ANKLE2: variants seen among roughly 807,000 people sequenced by gnomAD.
ANKLE2 encodes the protein ankyrin repeat and LEM domain-containing protein 2.
Under a neutral mutation model 84.2 loss-of-function variants are expected in ANKLE2, and 55 were observed. The observed-to-expected ratio is 0.65, with a 90% CI of 0.53 to 0.82. The LOEUF is 0.82. Ranked by LOEUF, ANKLE2 falls within the 40% of genes least tolerant of loss-of-function variation. The probability of loss-of-function intolerance (pLI) is 0.00; values close to 1 mark genes in which losing one functional copy is unlikely to be tolerated. For synonymous variants in ANKLE2, 551 were observed against 486.1 expected, an observed-to-expected ratio of 1.13 and a Z score of -1.76; for missense variants, 1,238 against 1,201.9, an observed-to-expected ratio of 1.03 and a Z score of -0.44.
In ANKLE2 at chr12:132,727,536, A is replaced by ACGCGCCCGGGCGGAGGAGAGGCAT. The variant is rs2043725413; in HGVS notation, c.2616-94_2616-93insATGCCTCTCCTCCGCCCGGGCGCG. The stretch of plus-strand genomic sequence containing the variant: ...GAATAATGGCCCCAGACTCAGGCAC[A>ACGCGCCCGGGCGGAGGAGAGGCAT]TGCGCCCGGGCGGAGGAGAGGCACT... On this transcript the variant is annotated intron_variant, in intron 12 of 12. Coordinates refer to ENST00000357997, the MANE Select transcript of ANKLE2 (RefSeq NM_015114.3). The ACGCGCCCGGGCGGAGGAGAGGCAT allele has an allele frequency of 8.2e-6, 12 of 1,456,146 alleles. No homozygotes were observed. In the South Asian group the frequency reaches 1.2e-4, roughly 15 times the overall value. 90.2% of individuals were successfully genotyped at this position (1,456,146 alleles called of 1,614,324 possible). A position where few individuals can be genotyped will look rare whatever the true frequency, so the allele number is the denominator to read the frequency against.
chr12:132,725,731 T>TTA lies in ANKLE2; in HGVS notation c.*1510_*1511insTA, dbSNP rs1437353329. 2 of 152,240 alleles carry TTA rather than the reference T, an allele frequency of 1.3e-5. No homozygotes were observed. Among genetic ancestry groups the TTA allele is most frequent in the African/African-American group, 4.8e-5 (2 of 41,470 alleles). The allele number at this position is 152,240 out of a possible 1,614,324, so 9.4% of individuals were successfully genotyped here. A position where few individuals can be genotyped will look rare whatever the true frequency, so the allele number is the denominator to read the frequency against. The stretch of plus-strand genomic sequence containing the variant: ...ACCATATACAGACAATATGGTAAGA[T>TTA]TTTAGAGAAAACAGATCATCACTAC... On this transcript the variant is annotated 3_prime_UTR_variant, in exon 13 of 13. Coordinates refer to ENST00000357997, the MANE Select transcript of ANKLE2 (RefSeq NM_015114.3).
chr12:132,737,119 G>T, intron 7 of ANKLE2, 54 bp from the exon 8 acceptor site: 1 of 1,526,402 alleles, frequency 6.6e-7, no homozygotes. Context: ...CGCAGGTCAG[G>T]CCTGGGTGAG....
Position 132,734,552 on chromosome 12 carries a change from T to C in ANKLE2, c.1724A>G (p.Tyr575Cys). 6.2e-7 allele frequency: 1 copy of C among 1,613,042 alleles called. No individual in the cohort carries two copies. Residue 575 changes from tyrosine to cysteine, a missense_variant, in exon 10 of 13, where the codon TAT becomes TGT. Physicochemically the swap from Tyr to Cys is radical, Grantham distance 194. Transcript: ENST00000357997. ...AAATTCCCAGTATTCAACCCAGGGA[T>C]ACCCCAGCTCATGAGCTAGCTCCCT... ...VGRELAHELGYPWVEYWEFLG... is the reference protein window; with the variant it reads ...VGRELAHELGCPWVEYWEFLG...
rs745865070 is a variant in ANKLE2 at position 132,754,821 on chromosome 12, G to T, written c.494C>A (p.Pro165His). Residue 165 changes from proline (P) to histidine (H), a missense_variant, in exon 2 of 13, where the codon CCT (proline) becomes CAT (histidine). This residue lies in a region of ANKLE2 where 422 missense variants were observed against 394.5 expected (regional missense o/e 1.07). Transcript: ENST00000357997. ...RDFGYSVGLNPPEEEAVTSKT... is the reference protein window; with the variant it reads ...RDFGYSVGLNHPEEEAVTSKT... ...GGATGTCACAGCTTCCTCCTCTGGA[G>T]GATTCAGGCCCACACTGTAACCAAA... The T allele has an allele frequency of 6.2e-7, 1 of 1,614,160 alleles. No individual in the cohort carries two copies. The highest frequency in any genetic ancestry group is 8.5e-7 in the Non-Finnish European group (1 of 1,180,042).
At chr12:132,759,923 C>T (rs1269999421) in intron 1 of ANKLE2, 1 of 152,130 alleles carries the variant, frequency 6.6e-6, no homozygotes. Flanking sequence ...CACCTGAGGT[C>T]AGGAATTCGA....
chr12:132,750,220 A>G (rs541043950), intron 3 of ANKLE2, among the ~76,000 whole-genome samples: 6 of 150,578 alleles, frequency 4.0e-5, no homozygotes, highest in South Asian at 2.1e-4. Flanking sequence ...AAAAAAAAAA[A>G]AAAAGAAAAA....
chr12:132,734,109 G>C (rs774846063), intron 10 of ANKLE2: 4 of 548,224 alleles, frequency 7.3e-6, no homozygotes. Flanking sequence ...GCCAGGCGTG[G>C]TGGCGGGCGC....
intron 5 of ANKLE2, among the ~76,000 whole-genome samples, chr12:132,746,344 GTCTCAAAAAAAAAAAAAAAA>G (rs1167047609): frequency 1.0e-5 from 1 of 97,798 alleles, no homozygotes; most frequent in Non-Finnish European, 2.1e-5. Context: ...GCAAGACTCT[GTCTCAAAAAAAAAAAAAAAA>G]AAAGAATCAG....
Position 132,730,239 on chromosome 12 carries a change from T to G in ANKLE2, c.1923A>C (p.Leu641=), listed in dbSNP as rs765577834. The change falls in exon 11 of 13, where the codon CTA becomes CTC. Residue 641 remains leucine (L), a synonymous_variant. Transcript: ENST00000357997. ...GSNSISVRAF[L]DEDDMSLEEI... Reference sequence around the variant, plus strand: ...CTTCCAAGCTCATGTCATCTTCATCTAGAAACGCCCTCACGGAAATGGAAT... The same window carrying G: ...CTTCCAAGCTCATGTCATCTTCATCGAGAAACGCCCTCACGGAAATGGAAT... 6.3e-7 allele frequency: 1 copy of G among 1,577,616 alleles called. No homozygotes were observed. Among genetic ancestry groups the G allele is most frequent in the Non-Finnish European group, 8.6e-7 (1 of 1,160,106 alleles).
chr12:132,754,097 CCAGGCGCGGTGG>C (rs1379474178), intron 2 of ANKLE2, among the ~76,000 whole-genome samples: 3 of 152,028 alleles, frequency 2.0e-5, no homozygotes, highest in Non-Finnish European at 4.4e-5. Flanking sequence ...AAAAAATTAG[CCAGGCGCGGTGG>C]CAGGCGCCTG....
rs114530139 is a variant in ANKLE2 at position 132,727,841 on chromosome 12, G to A, written c.2615+191C>T. ...CCCTCAGCTTGTCAGGAGCTGACCC[G>A]TTCAGCTTTTCCACCCAACCAGAGC... On this transcript the variant is annotated intron_variant, in intron 12 of 12. Coordinates refer to ENST00000357997, the MANE Select transcript of ANKLE2 (RefSeq NM_015114.3). Among the ~76,000 whole-genome samples, 310 of 152,262 alleles carry A rather than the reference G, an allele frequency of 2.0e-3. 2 individuals carry two copies. The highest frequency in any genetic ancestry group is 7.3e-3 in the African/African-American group (305 of 41,544).
At chr12:132,735,304 T>G (rs751355833) in intron 9 of ANKLE2, 102 bp downstream of exon 9, 51 of 1,083,064 alleles carry the variant, frequency 4.7e-5, no homozygotes, top group Non-Finnish European at 7.1e-5. Flanking sequence ...CAGAAAAGCC[T>G]TCTGGAAATT....
intron 2 of ANKLE2, among the ~76,000 whole-genome samples, chr12:132,751,774 C>T (rs912753347): frequency 1.5e-4 from 23 of 152,172 alleles, no homozygotes; most frequent in Non-Finnish European, 2.1e-4. Context: ...AACTCCTGAC[C>T]TTAGGTGACC....
At chr12:132,733,790 C>A (rs1012886297) in intron 10 of ANKLE2, among the ~76,000 whole-genome samples, 1 of 152,146 alleles carries the variant, frequency 6.6e-6, no homozygotes. Context: ...GATGTGCACT[C>A]GTCTTTTTCC....
chr12:132,735,820 C>T (rs1164867763), intron 8 of ANKLE2, among the ~76,000 whole-genome samples: 3 of 152,228 alleles, frequency 2.0e-5, no homozygotes, highest in Non-Finnish European at 2.9e-5. Flanking sequence ...CTCGGAGCTG[C>T]CACCCCGACG....
Position 132,761,748 on chromosome 12 carries a change from C to G in ANKLE2, c.51G>C (p.Glu17Asp). 3.9e-6 allele frequency: 5 copies of G among 1,265,990 alleles called. No individual in the cohort carries two copies. Among genetic ancestry groups the G allele is most frequent in the Non-Finnish European group, 5.0e-6 (5 of 1,000,598 alleles). The allele number at this position is 1,265,990 out of a possible 1,614,324, so 78.4% of individuals were successfully genotyped here. ...TCAGCAGCACCGAGGCGCCCAGCAGCTCCCAGGCCAGCGCCGCCCACTCGG... is the reference window on the plus strand; with the variant it reads ...TCAGCAGCACCGAGGCGCCCAGCAGGTCCCAGGCCAGCGCCGCCCACTCGG... ...AAAEWAALAW[E>D]LLGASVLLIA... The change falls in exon 1 of 13, where the codon GAG (glutamate) becomes GAC (aspartate). Residue 17 changes from glutamate (E) to aspartate (D), a missense_variant. Physicochemically the swap from Glu to Asp is conservative, Grantham distance 45. Transcript: ENST00000357997.
chr12:132,740,624 C>T (rs1025770618), intron 7 of ANKLE2, among the ~76,000 whole-genome samples: 26 of 152,022 alleles, frequency 1.7e-4, no homozygotes, highest in African/African-American at 5.3e-4. Context: ...CTCCAGACTT[C>T]GAGCTAAGAT....
At chr12:132,739,384 CTATCT>C (rs2044077327) in intron 7 of ANKLE2, among the ~76,000 whole-genome samples, 3 of 152,100 alleles carry the variant, frequency 2.0e-5, no homozygotes, top group African/African-American at 7.2e-5. Flanking sequence ...TTACATATTA[CTATCT>C]TATATTTGGA....
chr12:132,739,760 G>A (rs2044084422), intron 7 of ANKLE2, among the ~76,000 whole-genome samples: 1 of 152,240 alleles, frequency 6.6e-6, no homozygotes. Flanking sequence ...CAGCCCTGTA[G>A]CAGGCTCTGT....
Sources: allele counts gnomAD v4.1 joint callset (sites outside exome capture counted in the v4.1 genomes callset), GRCh38; gene constraint gnomAD v4.1.1; regional missense constraint gnomAD v4.1.1; transcripts MANE v1.5; gene names NCBI Gene and HGNC (gene_info 2026-07-23, HGNC 2026-07-21).